PTGES3: variants seen among roughly 807,000 people sequenced by gnomAD.
PTGES3 encodes the protein Hsp90 co-chaperone.
A neutral mutation model predicts 29.9 loss-of-function variants in PTGES3; 5 were observed. The observed-to-expected ratio is 0.17, with a 90% CI of 0.09 to 0.35. The LOEUF is 0.35. Among genes scored for constraint, PTGES3 ranks in the 10% least tolerant of loss-of-function variants. PTGES3 has a pLI of 1.00. For missense variants in PTGES3, 128 were observed against 190.0 expected, an observed-to-expected ratio of 0.67 and a Z score of 1.92; for synonymous variants, 49 against 57.8, an observed-to-expected ratio of 0.85 and a Z score of 0.69.
chr12:56,665,528 C>T, intron 6 of PTGES3: 1 of 983,426 alleles, frequency 1.0e-6, no homozygotes. Context: ...CTCTTGACCG[C>T]ATGATCCACC....
At chr12:56,681,100 T>C (rs1952515222) in intron 1 of PTGES3, among the ~76,000 whole-genome samples, 1 of 152,094 alleles carries the variant, frequency 6.6e-6, no homozygotes, top group Non-Finnish European at 1.5e-5. Context: ...TTTTGTTTTT[T>C]TGTTTGGACA....
At chr12:56,677,934 A>G (rs1181430746) in intron 1 of PTGES3, among the ~76,000 whole-genome samples, 1 of 152,178 alleles carries the variant, frequency 6.6e-6, no homozygotes, top group Non-Finnish European at 1.5e-5. Context: ...GCCACAGGCC[A>G]CAGGACTAGC....
At chr12:56,687,835 AC>A in intron 1 of PTGES3, 162 bp downstream of exon 1, 2 of 1,467,244 alleles carry the variant, frequency 1.4e-6, no homozygotes, top group Non-Finnish European at 1.8e-6. Context: ...AATGTCCTCC[AC>A]CCGCCAACGG....
chr12:56,687,752 TAAAA>T, intron 1 of PTGES3: 1 of 1,376,140 alleles, frequency 7.3e-7, no homozygotes. Flanking sequence ...GCCAAAGGGG[TAAAA>T]GTAGGATTTC....
rs537468152 is a variant in PTGES3, at chr12:56,683,061, T to C, written c.2+4937A>G. Among the ~76,000 whole-genome samples, 42 of 151,916 alleles carry C rather than the reference T, an allele frequency of 2.8e-4. 2 individuals are homozygous for C. In the South Asian group the frequency reaches 8.1e-3, roughly 29 times the overall value. ...GGAAGCAGCCTCATTCTAGAATCTA[T>C]CATTGCCGGCTGCGGCAGTAGCTCA... On this transcript the variant is annotated intron_variant, in intron 1 of 7. Coordinates refer to ENST00000262033, the MANE Select transcript of PTGES3 (RefSeq NM_006601.7).
intron 1 of PTGES3, among the ~76,000 whole-genome samples, chr12:56,686,538 C>G (rs1952865372): frequency 1.3e-5 from 2 of 151,982 alleles, no homozygotes; most frequent in African/African-American, 4.8e-5. Context: ...CCACGCCCGG[C>G]TAATTTTTTT....
At chr12:56,674,568 C>G (rs913150548) in intron 1 of PTGES3, among the ~76,000 whole-genome samples, 2 of 151,430 alleles carry the variant, frequency 1.3e-5, no homozygotes, top group Non-Finnish European at 2.9e-5. Context: ...GGCTCACGCC[C>G]ATAATCCCAG....
intron 1 of PTGES3, among the ~76,000 whole-genome samples, chr12:56,685,783 T>C (rs1227092013): frequency 1.4e-5 from 2 of 142,662 alleles, no homozygotes; most frequent in African/African-American, 5.2e-5. Context: ...TTTTTTTTTT[T>C]TTTTTTTTTT....
chr12:56,681,932 C>T (rs1343393173), intron 1 of PTGES3, among the ~76,000 whole-genome samples: 1 of 151,978 alleles, frequency 6.6e-6, no homozygotes, highest in African/African-American at 2.4e-5. Flanking sequence ...GCAACCTCCT[C>T]GCCTCCTGGG....
chr12:56,688,249 A>C lies in PTGES3; in HGVS notation c.-250T>G. On this transcript the variant is annotated 5_prime_UTR_variant, in exon 1 of 8. The change creates a new upstream start codon in the 5' untranslated region. Transcript: ENST00000262033. ...TAGGAAAAGGGGCGCGAGGACGGAG[A>C]ATGAACGTGCGTGCGTGCAAACGAG... 1.7e-6 allele frequency: 1 copy of C among 603,124 alleles called. No individual in the cohort carries two copies. The highest frequency in any genetic ancestry group is 4.0e-5 in the Admixed American group (1 of 25,020). The allele number at this position is 603,124 out of a possible 1,614,324, so 37.4% of individuals were successfully genotyped here.
chr12:56,677,620 G>A (rs1952318267), intron 1 of PTGES3, among the ~76,000 whole-genome samples: 1 of 151,974 alleles, frequency 6.6e-6, no homozygotes. Context: ...CTCAAACTTT[G>A]AAATGACTTC....
chr12:56,670,051 ACTTTTGTAG>A (rs1380591525), intron 5 of PTGES3, among the ~76,000 whole-genome samples: 1 of 152,092 alleles, frequency 6.6e-6, no homozygotes, highest in Non-Finnish European at 1.5e-5. Context: ...AACTTTTGTA[ACTTTTGTAG>A]CTAACACTAA....
At chr12:56,677,082 A>G (rs1251579633) in intron 1 of PTGES3, among the ~76,000 whole-genome samples, 2 of 151,924 alleles carry the variant, frequency 1.3e-5, no homozygotes, top group African/African-American at 4.8e-5. Context: ...TCTACTAAAA[A>G]TGTAAAAATT....
chr12:56,682,211 C>A (rs73113847), intron 1 of PTGES3, among the ~76,000 whole-genome samples: 1 of 152,026 alleles, frequency 6.6e-6, no homozygotes, highest in Non-Finnish European at 1.5e-5. Flanking sequence ...CAGAAAAGCC[C>A]CAACAGCACA....
At chr12:56,684,128 G>A (rs1952713857) in intron 1 of PTGES3, among the ~76,000 whole-genome samples, 1 of 152,204 alleles carries the variant, frequency 6.6e-6, no homozygotes. Context: ...CAGCGAGATT[G>A]GTTCTGAACA....
At chr12:56,687,897 C>A in intron 1 of PTGES3, 101 bp downstream of exon 1, 1 of 1,593,888 alleles carries the variant, frequency 6.3e-7, no homozygotes, top group African/African-American at 1.3e-5. Flanking sequence ...GAACGACTGC[C>A]ACCACCGATG....
chr12:56,672,667 T>A, intron 3 of PTGES3, 73 bp downstream of exon 3: 1 of 1,452,258 alleles, frequency 6.9e-7, no homozygotes, highest in South Asian at 1.5e-5. Context: ...CTAATGCTCA[T>A]TGCTAAAAAG....
intron 1 of PTGES3, among the ~76,000 whole-genome samples, chr12:56,676,232 C>CG (rs372309759): frequency 7.7e-6 from 1 of 129,982 alleles, no homozygotes; most frequent in Non-Finnish European, 1.6e-5. Flanking sequence ...TCTCCCCCCC[C>CG]AAAAAAAAAA....
At chr12:56,683,957 CAAA>C (rs11386164) in intron 1 of PTGES3, among the ~76,000 whole-genome samples, 1 of 109,326 alleles carries the variant, frequency 9.1e-6, no homozygotes. Flanking sequence ...AACTCCGTCT[CAAA>C]AAAAAAAAAA....
Sources: allele counts gnomAD v4.1 joint callset (sites outside exome capture counted in the v4.1 genomes callset), GRCh38; gene constraint gnomAD v4.1.1; transcripts MANE v1.5; gene names NCBI Gene and HGNC (gene_info 2026-07-23, HGNC 2026-07-21).